ADGRG2: variants seen among roughly 807,000 people sequenced by gnomAD.
ADGRG2 encodes G protein-coupled receptor 64.
ADGRG2 carries 26 observed loss-of-function variants against 74.1 expected under a neutral mutation model. That is an observed-to-expected ratio of 0.35 (90% CI 0.26 to 0.49). The LOEUF (loss-of-function observed/expected upper bound fraction) is 0.49, where lower values mean the gene tolerates loss of function less well. Among genes scored for constraint, ADGRG2 ranks in the 20% least tolerant of loss-of-function variants. The pLI, the probability that ADGRG2 is intolerant of heterozygous loss-of-function variation, is 0.99. For missense variants in ADGRG2, 619 were observed against 763.1 expected (o/e 0.81, Z 2.22); for synonymous variants, 296 against 295.2 (o/e 1.00, Z -0.03).
At chrX:19,055,240 TTGTG>T (rs35438679) in intron 3 of ADGRG2, among the ~76,000 whole-genome samples, 1,906 of 103,544 alleles carry the variant, frequency 0.018, 16 homozygotes, top group East Asian at 0.037. Flanking sequence ...GCAAATCCCT[TTGTG>T]TGTGTGTGTG....
chrX:19,064,345 T>C (rs963898866), intron 3 of ADGRG2, among the ~76,000 whole-genome samples: 2 of 112,724 alleles, frequency 1.8e-5, no homozygotes, highest in African/African-American at 3.2e-5. Flanking sequence ...AGACTTATAG[T>C]TTGTATTGTT....
In ADGRG2 at chrX:18,989,833, G is replaced by GAGA. The variant is rs754336915; in HGVS notation, c.*1028_*1030dup. On this transcript the variant is annotated 3_prime_UTR_variant, in exon 29 of 29. Transcript: ENST00000379869. ...TTTCCATATATATGTACCTTTTTAA[G>GAGA]AGAAGGAATCCTAGTCTACTCTCCT... is the stretch of plus-strand genomic sequence containing the variant. The GAGA allele has an allele frequency of 8.9e-5, 10 of 112,318 alleles. No individual in the cohort carries two copies. Among genetic ancestry groups the GAGA allele is most frequent in the Non-Finnish European group, 1.3e-4 (7 of 53,218 alleles). The allele number at this position is 112,318 out of a possible 1,213,427, so 9.3% of individuals were successfully genotyped here. A position where few individuals can be genotyped will look rare whatever the true frequency, so the allele number is the denominator to read the frequency against.
intron 2 of ADGRG2, among the ~76,000 whole-genome samples, chrX:19,077,103 A>C (rs1238754844): frequency 9.0e-6 from 1 of 111,184 alleles, no homozygotes; most frequent in Non-Finnish European, 1.9e-5. Flanking sequence ...GTGGAGGAGG[A>C]AAACAGTTTC....
chrX:18,992,747 C>T lies in ADGRG2; in HGVS notation c.2870-1699G>A, dbSNP rs144276539. Among the ~76,000 whole-genome samples, 824 of 112,478 alleles carry T rather than the reference C, an allele frequency of 7.3e-3. 9 individuals carry two copies. The highest frequency in any genetic ancestry group is 0.025 in the African/African-American group (774 of 30,962). ...CCTTAAAATGTACCCCCATCCTCAC[C>T]GTCAAGCATCAAAAGTAGCTGTGTC... is the stretch of plus-strand genomic sequence containing the variant. On this transcript the variant is annotated intron_variant, in intron 28 of 28. Transcript: ENST00000379869.
At chrX:18,991,808 T>A (rs191994765) in intron 28 of ADGRG2, among the ~76,000 whole-genome samples, 2 of 111,902 alleles carry the variant, frequency 1.8e-5, no homozygotes, top group South Asian at 7.5e-4. Context: ...TGGGAGACTA[T>A]ACACAAAGCT....
chrX:19,117,832 A>C (rs750626794), intron 1 of ADGRG2, among the ~76,000 whole-genome samples: 1 of 110,528 alleles, frequency 9.0e-6, no homozygotes, highest in Non-Finnish European at 1.9e-5. Context: ...AAATAAAATA[A>C]AATGAATTGA....
At chrX:18,993,416 C>T (rs936622959) in intron 28 of ADGRG2, among the ~76,000 whole-genome samples, 1 of 110,328 alleles carries the variant, frequency 9.1e-6, no homozygotes, top group Non-Finnish European at 1.9e-5. Flanking sequence ...GGCACAGTGG[C>T]TCACACCTGT....
intron 1 of ADGRG2, among the ~76,000 whole-genome samples, chrX:19,112,676 A>G (rs1172408422): frequency 2.8e-5 from 3 of 108,567 alleles, no homozygotes; most frequent in Non-Finnish European, 5.7e-5. Flanking sequence ...AGGCCGGGTA[A>G]GGTGGCTCAC....
At chrX:18,998,965 T>C in intron 26 of ADGRG2, 31 bp downstream of exon 26, 3 of 1,097,340 alleles carry the variant, frequency 2.7e-6, no homozygotes, top group Admixed American at 5.0e-5. Context: ...ACTGGGATCA[T>C]TCAGTTTGTA....
rs112128960 is a variant in ADGRG2 at position 19,113,961 on chromosome X, A to G, written c.-47+8481T>C. 6.9e-3 allele frequency among the ~76,000 whole-genome samples: 738 copies of G among 107,402 alleles called. 4 individuals carry two copies. The highest frequency in any genetic ancestry group is 0.024 in the African/African-American group (697 of 29,293). 93.3% of individuals were successfully genotyped at this position (107,402 alleles called of 115,157 possible). On this transcript the variant is annotated intron_variant, in intron 1 of 28. Coordinates refer to ENST00000379869, the MANE Select transcript of ADGRG2 (RefSeq NM_001079858.3). Reference sequence around the variant, plus strand: ...GTGATGGGCACCTGTGGTCCCAGCTACTCAGGAGGCTGAGGCAGGAGAATC... The same window carrying G: ...GTGATGGGCACCTGTGGTCCCAGCTGCTCAGGAGGCTGAGGCAGGAGAATC...
intron 3 of ADGRG2, among the ~76,000 whole-genome samples, chrX:19,047,987 A>G (rs1422654109): frequency 9.0e-6 from 1 of 111,440 alleles, no homozygotes; most frequent in Non-Finnish European, 1.9e-5. Flanking sequence ...AGCTGATGGA[A>G]CTTCCCAAAG....
At chrX:19,077,576 A>G (rs1190414815) in intron 2 of ADGRG2, among the ~76,000 whole-genome samples, 1 of 109,674 alleles carries the variant, frequency 9.1e-6, no homozygotes, top group East Asian at 2.8e-4. Context: ...CAATGATTCC[A>G]TTAAAAGGCA....
intron 11 of ADGRG2, among the ~76,000 whole-genome samples, chrX:19,026,907 A>G (rs1490644122): frequency 8.9e-6 from 1 of 112,154 alleles, no homozygotes; most frequent in East Asian, 2.8e-4. Flanking sequence ...GCTTCATGAA[A>G]GCATCAACAA....
At chrX:19,078,786 A>G (rs974481502) in intron 2 of ADGRG2, among the ~76,000 whole-genome samples, 1 of 109,624 alleles carries the variant, frequency 9.1e-6, no homozygotes, top group African/African-American at 3.3e-5. Flanking sequence ...TAAAAAAAAA[A>G]GCATATAATA....
intron 3 of ADGRG2, among the ~76,000 whole-genome samples, chrX:19,063,646 G>T (rs1256451151): frequency 8.9e-6 from 1 of 112,065 alleles, no homozygotes; most frequent in Non-Finnish European, 1.9e-5. Flanking sequence ...CACCCGCCTC[G>T]CCAACCTTTT....
At chrX:19,082,124 A>G (rs905653695) in intron 2 of ADGRG2, among the ~76,000 whole-genome samples, 1 of 109,731 alleles carries the variant, frequency 9.1e-6, no homozygotes, top group African/African-American at 3.3e-5. Context: ...AGAAAAGAAA[A>G]GAAAAAAGAA....
rs1569093195 is a variant in ADGRG2 at position 19,037,645 on chromosome X, G to A, written c.155-9C>T. 40 of 1,060,002 alleles carry A rather than the reference G, an allele frequency of 3.8e-5. No homozygotes were observed. The highest frequency in any genetic ancestry group is 2.9e-4 in the Middle Eastern group (1 of 3,405). 87.4% of individuals were successfully genotyped at this position (1,060,002 alleles called of 1,213,427 possible). ...GACAACAGATAATTTAGCTGCAGGAGAAAAAAAAATTAAATCAATATTTTG... is the reference window on the plus strand; with the variant it reads ...GACAACAGATAATTTAGCTGCAGGAAAAAAAAAAATTAAATCAATATTTTG... On this transcript the variant is annotated splice_polypyrimidine_tract_variant and intron_variant, in intron 4 of 28. Transcript: ENST00000379869.
intron 7 of ADGRG2, chrX:19,033,928 C>A (rs1010843635): frequency 5.0e-6 from 1 of 198,428 alleles, no homozygotes; most frequent in Non-Finnish European, 9.0e-6. Context: ...TTCTACTTTA[C>A]TTTCCACACA....
At chrX:19,103,635 T>TA (rs2062228025) in intron 1 of ADGRG2, among the ~76,000 whole-genome samples, 1 of 111,509 alleles carries the variant, frequency 9.0e-6, no homozygotes, top group Admixed American at 9.6e-5. Context: ...ATTGTTTTAA[T>TA]AGATGTTTTA....
Sources: allele counts gnomAD v4.1 joint callset (sites outside exome capture counted in the v4.1 genomes callset), GRCh38; gene constraint gnomAD v4.1.1; transcripts MANE v1.5; gene names NCBI Gene and HGNC (gene_info 2026-07-23, HGNC 2026-07-21).